The following CREB5 variants were observed in gnomAD, a reference collection of about 807,000 sequenced individuals.
The protein encoded by CREB5 is cAMP responsive element binding protein 5, also known as cyclic AMP-responsive element-binding protein 5.
Under a neutral mutation model 57.1 loss-of-function variants are expected in CREB5, and 19 were observed. The observed-to-expected ratio is 0.33, with a 90% CI of 0.23 to 0.49. The LOEUF (loss-of-function observed/expected upper bound fraction) is 0.49, where lower values mean the gene tolerates loss of function less well. CREB5 is among the 20% of genes least tolerant of loss of function. CREB5 has a pLI of 0.99. For synonymous variants in CREB5, 238 were observed against 238.3 expected (o/e 1.00, Z 0.01); for missense variants, 579 against 671.6 (o/e 0.86, Z 1.52).
intron 5 of CREB5, among the ~76,000 whole-genome samples, chr7:28,706,839 G>A (rs1453501172): frequency 6.6e-6 from 1 of 152,082 alleles, no homozygotes; most frequent in Non-Finnish European, 1.5e-5. Context: ...TAGAAATCAG[G>A]ATAGTGTTTC....
chr7:28,713,431 C>T (rs760335700), intron 5 of CREB5, among the ~76,000 whole-genome samples: 6 of 152,164 alleles, frequency 3.9e-5, no homozygotes, highest in Admixed American at 1.3e-4. Flanking sequence ...GCATGAGTCC[C>T]GTGGAATATA....
intron 4 of CREB5, among the ~76,000 whole-genome samples, chr7:28,560,911 T>TGTGTGCGTGC (rs1554344471): frequency 2.8e-5 from 1 of 36,066 alleles, no homozygotes; most frequent in Non-Finnish European, 5.1e-5. Flanking sequence ...CGCGCGTGCG[T>TGTGTGCGTGC]GTGCGTGTGT....
intron 4 of CREB5, among the ~76,000 whole-genome samples, chr7:28,508,352 TG>T (rs1562764075): frequency 6.6e-6 from 1 of 152,202 alleles, no homozygotes; most frequent in African/African-American, 2.4e-5. Flanking sequence ...TGAAAGGAGA[TG>T]GTGGTCACAA....
chr7:28,498,368 A>G (rs750267805), intron 3 of CREB5, among the ~76,000 whole-genome samples: 18 of 152,230 alleles, frequency 1.2e-4, no homozygotes, highest in Non-Finnish European at 2.1e-4. Flanking sequence ...AATATAATAG[A>G]TATTTGTATG....
At chr7:28,762,150 GT>G (rs1324527751) in intron 7 of CREB5, among the ~76,000 whole-genome samples, 1 of 152,062 alleles carries the variant, frequency 6.6e-6, no homozygotes, top group Non-Finnish European at 1.5e-5. Context: ...TTGTGTATTT[GT>G]TTTTTAAACT....
At chr7:28,574,131 T>C (rs1795813558) in intron 5 of CREB5, among the ~76,000 whole-genome samples, 1 of 152,160 alleles carries the variant, frequency 6.6e-6, no homozygotes, top group Non-Finnish European at 1.5e-5. Context: ...CTTTGGCTGA[T>C]TGATGGTAGC....
At chr7:28,533,834 T>C (rs1037528112) in intron 4 of CREB5, among the ~76,000 whole-genome samples, 11 of 152,220 alleles carry the variant, frequency 7.2e-5, no homozygotes, top group African/African-American at 1.9e-4. Flanking sequence ...TGTCCTCCTC[T>C]TCTTCCTCCT....
At position 28,381,215 on chromosome 7, in the gene CREB5, G is replaced by C. The variant is rs137957122; in HGVS notation, c.-25+81774G>C. On this transcript the variant is annotated intron_variant, in intron 1 of 9. Transcript: ENST00000396299. ...TGACTTACAACTATTTCATGTGTTA[G>C]TGTTTCAGAGTGAGATGCAATGTAA... Among the ~76,000 whole-genome samples the C allele has an allele frequency of 5.0e-3, 767 of 152,270 alleles. 6 individuals carry two copies. The highest frequency in any genetic ancestry group is 0.017 in the African/African-American group (712 of 41,554).
At chr7:28,541,602 G>A (rs974729403) in intron 4 of CREB5, among the ~76,000 whole-genome samples, 1 of 152,150 alleles carries the variant, frequency 6.6e-6, no homozygotes, top group African/African-American at 2.4e-5. Flanking sequence ...GGGAGGCAGA[G>A]GTTGCAGTGA....
At chr7:28,448,490 G>GT (rs1433014569) in intron 1 of CREB5, among the ~76,000 whole-genome samples, 2 of 152,176 alleles carry the variant, frequency 1.3e-5, no homozygotes, top group African/African-American at 4.8e-5. Context: ...TGGGCTCCTT[G>GT]TTTTTCTTCT....
At chr7:28,737,243 C>A (rs571883720) in intron 7 of CREB5, among the ~76,000 whole-genome samples, 2 of 152,092 alleles carry the variant, frequency 1.3e-5, no homozygotes, top group African/African-American at 4.8e-5. Flanking sequence ...GCTACCTTTT[C>A]AGGAAAACCA....
chr7:28,341,959 G>C (rs1785945445), intron 1 of CREB5, among the ~76,000 whole-genome samples: 1 of 152,148 alleles, frequency 6.6e-6, no homozygotes. Context: ...TTTGAGGAGA[G>C]GGAAGGGAAG....
intron 1 of CREB5, among the ~76,000 whole-genome samples, chr7:28,483,115 G>C (rs1382734768): frequency 6.6e-6 from 1 of 152,186 alleles, no homozygotes; most frequent in African/African-American, 2.4e-5. Flanking sequence ...TTACCCTTAA[G>C]TTTACAATAG....
chr7:28,422,770 C>T (rs528156214), intron 1 of CREB5, among the ~76,000 whole-genome samples: 7 of 152,182 alleles, frequency 4.6e-5, no homozygotes, highest in Non-Finnish European at 8.8e-5. Context: ...GTGTATAATC[C>T]GGAATGGAAA....
At chr7:28,326,261 C>T (rs1010772396) in intron 1 of CREB5, among the ~76,000 whole-genome samples, 3 of 152,058 alleles carry the variant, frequency 2.0e-5, no homozygotes, top group Non-Finnish European at 2.9e-5. Flanking sequence ...ACAGTTCCAG[C>T]CTAATACTAC....
At chr7:28,761,414 A>G (rs914666944) in intron 7 of CREB5, among the ~76,000 whole-genome samples, 1 of 152,170 alleles carries the variant, frequency 6.6e-6, no homozygotes, top group Non-Finnish European at 1.5e-5. Flanking sequence ...GTTTCTGCTC[A>G]GGGCAAATGG....
At chr7:28,723,863 T>C (rs993273908) in intron 6 of CREB5, among the ~76,000 whole-genome samples, 3 of 152,228 alleles carry the variant, frequency 2.0e-5, no homozygotes, top group African/African-American at 7.2e-5. Flanking sequence ...TTAGTTTTCC[T>C]ATAGCTTTTG....
chr7:28,557,226 A>C (rs1407072828), intron 4 of CREB5, among the ~76,000 whole-genome samples: 1 of 152,116 alleles, frequency 6.6e-6, no homozygotes, highest in Non-Finnish European at 1.5e-5. Context: ...TCTCAGACTA[A>C]AGCATCACCT....
At chr7:28,447,860 A>G (rs1240640304) in intron 1 of CREB5, among the ~76,000 whole-genome samples, 1 of 152,176 alleles carries the variant, frequency 6.6e-6, no homozygotes, top group Non-Finnish European at 1.5e-5. Flanking sequence ...ATTTATTAAG[A>G]TCGAAATCCA....
Sources: allele counts gnomAD v4.1 joint callset (sites outside exome capture counted in the v4.1 genomes callset), GRCh38; gene constraint gnomAD v4.1.1; transcripts MANE v1.5; gene names NCBI Gene and HGNC (gene_info 2026-07-23, HGNC 2026-07-21).